Variants in PHIP observed in about 807,000 individuals in gnomAD.
PHIP encodes PH-interacting protein.
A neutral mutation model predicts 236.8 loss-of-function variants in PHIP; 54 were observed. The observed-to-expected ratio is 0.23, with a 90% CI of 0.18 to 0.29. The LOEUF (loss-of-function observed/expected upper bound fraction) is 0.29. PHIP is among the 10% of genes least tolerant of loss of function. The pLI, the probability that PHIP is intolerant of heterozygous loss-of-function variation, is 1.00. For synonymous variants in PHIP, 756 were observed against 718.9 expected, an observed-to-expected ratio of 1.05 and a Z score of -0.83; for missense variants, 1,370 against 2,190.8, an observed-to-expected ratio of 0.63 and a Z score of 7.48.
intron 24 of PHIP, among the ~76,000 whole-genome samples, 168 bp from the exon 25 acceptor site, chr6:78,971,056 C>A (rs1027709128): frequency 1.3e-5 from 2 of 152,134 alleles, no homozygotes; most frequent in South Asian, 4.1e-4. Flanking sequence ...ATCACTAAAT[C>A]ATAACCAAAG....
chr6:78,940,678 A>G lies in PHIP; in HGVS notation c.*15T>C. The G allele has an allele frequency of 6.3e-7, 1 of 1,576,642 alleles. No individual in the cohort carries two copies. The highest frequency in any genetic ancestry group is 8.7e-7 in the Non-Finnish European group (1 of 1,153,764). On this transcript the variant is annotated 3_prime_UTR_variant, in exon 40 of 40. Transcript: ENST00000275034. ...CCTGCTTTATAGATTTTGAAGTAAA[A>G]TATTTTGGTACAAGTTACCAACCAA... is the stretch of plus-strand genomic sequence containing the variant.
chr6:78,983,451 A>T (rs1023347880), intron 22 of PHIP, among the ~76,000 whole-genome samples: 4 of 152,182 alleles, frequency 2.6e-5, no homozygotes, highest in Admixed American at 2.6e-4. Flanking sequence ...ATATAAAAAT[A>T]AGAGGGGGTC....
At chr6:79,070,252 G>A (rs1453095109) in intron 4 of PHIP, among the ~76,000 whole-genome samples, 1 of 152,092 alleles carries the variant, frequency 6.6e-6, no homozygotes, top group African/African-American at 2.4e-5. Context: ...TTAGTAAAAC[G>A]TTAAACTCAA....
chr6:79,063,139 G>A (rs1448533169), intron 4 of PHIP, among the ~76,000 whole-genome samples: 1 of 152,138 alleles, frequency 6.6e-6, no homozygotes, highest in African/African-American at 2.4e-5. Flanking sequence ...TAAGACTCAT[G>A]CACTATACTA....
intron 7 of PHIP, among the ~76,000 whole-genome samples, chr6:79,029,893 CAT>C (rs537933541): frequency 2.0e-3 from 312 of 152,264 alleles, no homozygotes; most frequent in African/African-American, 6.8e-3. Context: ...AAATGTCTAA[CAT>C]AATTTGAACG....
intron 20 of PHIP, among the ~76,000 whole-genome samples, chr6:78,988,837 G>C (rs932431466): frequency 1.3e-5 from 2 of 151,664 alleles, no homozygotes; most frequent in Non-Finnish European, 2.9e-5. Context: ...TAGAAATGAT[G>C]TAAGAAAAAG....
At position 78,947,817 on chromosome 6, in the gene PHIP, C is replaced by A. The variant is rs1582085843; in HGVS notation, c.4054-42G>T. ...AGGTGGTGTTATGATTATTACTACACAAAGCATCACTTCTCAGTGCAGGGA... is the reference window on the plus strand; with the variant it reads ...AGGTGGTGTTATGATTATTACTACAAAAAGCATCACTTCTCAGTGCAGGGA... On this transcript the variant is annotated intron_variant, in intron 35 of 39. Coordinates refer to ENST00000275034, the MANE Select transcript of PHIP (RefSeq NM_017934.7). 3 of 1,404,182 alleles carry A rather than the reference C, an allele frequency of 2.1e-6. No homozygotes were observed. In the African/African-American group the frequency reaches 4.3e-5, roughly 20 times the overall value. 87.0% of individuals were successfully genotyped at this position (1,404,182 alleles called of 1,614,324 possible). A position where few individuals can be genotyped will look rare whatever the true frequency, so the allele number is the denominator to read the frequency against.
intron 4 of PHIP, among the ~76,000 whole-genome samples, chr6:79,075,691 T>C (rs1468429647): frequency 1.3e-5 from 2 of 150,792 alleles, no homozygotes; most frequent in Non-Finnish European, 3.0e-5. Context: ...ATTACCATAA[T>C]TTAGCCAGAT....
chr6:78,985,774 G>A (rs887213543), intron 21 of PHIP, among the ~76,000 whole-genome samples: 8 of 152,010 alleles, frequency 5.3e-5, no homozygotes, highest in African/African-American at 9.7e-5. Context: ...CCCAGGAGGC[G>A]GAGGTTGCCG....
At chr6:78,955,164 A>G (rs1766332651) in intron 34 of PHIP, 68 bp downstream of exon 34, 4 of 1,134,308 alleles carry the variant, frequency 3.5e-6, no homozygotes, top group Non-Finnish European at 5.1e-6. Context: ...AGAGTAAAAA[A>G]ATAAAGAAAG....
chr6:79,071,313 G>A (rs965162769), intron 4 of PHIP, among the ~76,000 whole-genome samples: 7 of 151,942 alleles, frequency 4.6e-5, no homozygotes, highest in Non-Finnish European at 1.0e-4. Flanking sequence ...ATTCCATCAA[G>A]AAAAAACATG....
At chr6:79,059,591 T>TA (rs1773252029) in intron 6 of PHIP, among the ~76,000 whole-genome samples, 1 of 84,736 alleles carries the variant, frequency 1.2e-5, no homozygotes. Flanking sequence ...GAAAGCAAAA[T>TA]TATATATATA....
chr6:78,990,025 A>G (rs976345188), intron 20 of PHIP, among the ~76,000 whole-genome samples: 11 of 152,236 alleles, frequency 7.2e-5, no homozygotes, highest in Middle Eastern at 6.8e-3. Flanking sequence ...TGAGTAATAA[A>G]ACAGAAAAGT....
At chr6:79,051,560 G>A (rs1018063450) in intron 6 of PHIP, among the ~76,000 whole-genome samples, 3 of 152,060 alleles carry the variant, frequency 2.0e-5, no homozygotes, top group Admixed American at 2.0e-4. Context: ...TGCACCTCCT[G>A]TTTGAAACAT....
At chr6:78,970,759 A>G (rs772943592) in intron 25 of PHIP, 22 bp downstream of exon 25, 1 of 1,440,918 alleles carries the variant, frequency 6.9e-7, no homozygotes, top group East Asian at 2.3e-5. Context: ...TGGGGCTATT[A>G]AATAATAAAT....
chr6:78,974,955 C>A (rs1475313291), intron 24 of PHIP, among the ~76,000 whole-genome samples: 2 of 151,616 alleles, frequency 1.3e-5, no homozygotes, highest in African/African-American at 2.4e-5. Flanking sequence ...CAAGGAGGAA[C>A]TGGTACCATT....
At chr6:78,961,557 A>G in intron 31 of PHIP, 133 bp downstream of exon 31, 1 of 804,724 alleles carries the variant, frequency 1.2e-6, no homozygotes, top group South Asian at 1.6e-5. Flanking sequence ...AAGATTCTAC[A>G]TTTTAACATA....
rs780338519 is a variant in PHIP, at chr6:79,077,985, C to G, written c.40+44G>C. ...GCGGCGGGGGGCGGGGGACCGCGGG[C>G]GGAATCGCCCGGTGCCAGCGGCCCC... On this transcript the variant is annotated intron_variant, in intron 1 of 39. Transcript: ENST00000275034. 3 of 1,602,292 alleles carry G rather than the reference C, an allele frequency of 1.9e-6. No homozygotes were observed. In the South Asian group the frequency reaches 3.3e-5, roughly 18 times the overall value.
In PHIP at chr6:79,004,248, G is replaced by A. The variant is rs1415226113; in HGVS notation, c.1525-390C>T. 2.8e-5 allele frequency: 7 copies of A among 250,098 alleles called. No homozygotes were observed. In the Admixed American group the frequency reaches 3.9e-4, roughly 14 times the overall value. The allele number at this position is 250,098 out of a possible 1,614,324, so 15.5% of individuals were successfully genotyped here. ...ACGGATTTTTTGGTAATTCTTGGAA[G>A]TAGTAGCCAGAGATCATTGCTCAAA... On this transcript the variant is annotated intron_variant, in intron 15 of 39. Coordinates refer to ENST00000275034, the MANE Select transcript of PHIP (RefSeq NM_017934.7).
Sources: allele counts gnomAD v4.1 joint callset (sites outside exome capture counted in the v4.1 genomes callset), GRCh38; gene constraint gnomAD v4.1.1; transcripts MANE v1.5; gene names NCBI Gene and HGNC (gene_info 2026-07-23, HGNC 2026-07-21).